ZUP1: variants seen among roughly 807,000 people sequenced by gnomAD.
ZUP1 encodes the protein zinc finger containing ubiquitin peptidase 1.
In ZUP1, 55 loss-of-function variants were observed where a neutral mutation model predicts 68.1. The ratio of observed to expected loss-of-function variants is 0.81; its 90% CI spans 0.65 to 1.01. ZUP1 has a LOEUF of 1.01. Ranked by LOEUF, ZUP1 falls within the 50% of genes least tolerant of loss-of-function variation. The pLI, the probability that ZUP1 is intolerant of heterozygous loss-of-function variation, is 0.00. For synonymous variants in ZUP1, 223 were observed against 221.5 expected (o/e 1.01, Z -0.06); for missense variants, 684 against 674.9 (o/e 1.01, Z -0.15).
At chr6:116,638,066 CAAAAAAAAAA>C (rs11398572) in intron 9 of ZUP1, among the ~76,000 whole-genome samples, 1 of 88,820 alleles carries the variant, frequency 1.1e-5, no homozygotes, top group African/African-American at 4.0e-5. Context: ...AGTCGGTCTC[CAAAAAAAAAA>C]AAAAAAAAAC....
chr6:116,662,266 C>A (rs961314792), intron 2 of ZUP1, among the ~76,000 whole-genome samples: 1 of 152,206 alleles, frequency 6.6e-6, no homozygotes, highest in African/African-American at 2.4e-5. Flanking sequence ...GCCAAGGAGG[C>A]CTTTGCTTAT....
chr6:116,644,599 A>G (rs1398576172), intron 9 of ZUP1, among the ~76,000 whole-genome samples: 2 of 151,814 alleles, frequency 1.3e-5, no homozygotes, highest in Non-Finnish European at 2.9e-5. Flanking sequence ...ACAAAACACC[A>G]AACACCGCAT....
intron 5 of ZUP1, among the ~76,000 whole-genome samples, chr6:116,656,304 G>A (rs1344704792): frequency 1.3e-5 from 2 of 151,506 alleles, no homozygotes; most frequent in African/African-American, 2.4e-5. Context: ...GGCTAGTCTC[G>A]AACTCCCGAC....
At chr6:116,647,638 TA>T (rs953498249) in intron 7 of ZUP1, 28 bp from the exon 8 acceptor site, 2 of 1,452,356 alleles carry the variant, frequency 1.4e-6, no homozygotes, top group African/African-American at 2.8e-5. Context: ...AATGCACATT[TA>T]AAGGGCATTT....
rs1319970310 is a variant in ZUP1 at position 116,656,776 on chromosome 6, C to T, written c.869G>A (p.Gly290Glu). 6.2e-7 allele frequency: 1 copy of T among 1,611,404 alleles called. No homozygotes were observed. Among genetic ancestry groups the T allele is most frequent in the African/African-American group, 1.3e-5 (1 of 74,952 alleles). ...LRNMEIEVNR[G>E]RMPPSEFHRR... is the part of the protein sequence containing the mutation. ...ATGAAATTCAGATGGAGGCATTCTT[C>T]CCCTATTTACTTCTATCTCCATATT... Residue 290 changes from glycine (G) to glutamate (E), a missense_variant, in exon 5 of 10, where the codon GGA (glycine) becomes GAA (glutamate). Physicochemically the swap from Gly to Glu is moderately conservative, Grantham distance 98. Coordinates refer to ENST00000368576, the MANE Select transcript of ZUP1 (RefSeq NM_145062.3).
At chr6:116,657,695 G>A (rs1583375485) in intron 4 of ZUP1, among the ~76,000 whole-genome samples, 1 of 152,302 alleles carries the variant, frequency 6.6e-6, no homozygotes, top group East Asian at 1.9e-4. Context: ...AAGTCCCAAA[G>A]TATACAAACC....
intron 2 of ZUP1, 103 bp from the exon 3 acceptor site, chr6:116,660,949 G>A (rs1327821537): frequency 4.7e-5 from 30 of 632,644 alleles, no homozygotes; most frequent in Admixed American, 1.4e-4. Flanking sequence ...GCCCAGGCTG[G>A]CGTGCAGTGG....
chr6:116,642,296 G>A (rs199698498), intron 9 of ZUP1, among the ~76,000 whole-genome samples: 223 of 152,114 alleles, frequency 1.5e-3, no homozygotes, highest in South Asian at 9.6e-3. Context: ...AAACTATTCC[G>A]ATCAATAGAA....
chr6:116,663,656 A>G (rs1776909981), intron 2 of ZUP1, among the ~76,000 whole-genome samples: 2 of 152,208 alleles, frequency 1.3e-5, no homozygotes, highest in African/African-American at 2.4e-5. Context: ...AAATTCGTTA[A>G]CAGGCCAGAC....
chr6:116,661,016 C>G (rs1776821248), intron 2 of ZUP1, among the ~76,000 whole-genome samples, 170 bp from the exon 3 acceptor site: 1 of 151,226 alleles, frequency 6.6e-6, no homozygotes. Context: ...GTAGATGGGG[C>G]TAAAGGCATG....
intron 5 of ZUP1, among the ~76,000 whole-genome samples, chr6:116,652,530 A>G (rs1776542319): frequency 2.0e-5 from 3 of 152,152 alleles, no homozygotes; most frequent in Admixed American, 1.3e-4. Context: ...TTTGCTCCCA[A>G]TCAAAAAATA....
At chr6:116,636,963 T>C (rs991450697) in intron 9 of ZUP1, among the ~76,000 whole-genome samples, 15 of 152,296 alleles carry the variant, frequency 9.8e-5, no homozygotes, top group Middle Eastern at 3.4e-3. Flanking sequence ...CACATTAATA[T>C]TGGCTGAATT....
intron 4 of ZUP1, among the ~76,000 whole-genome samples, chr6:116,657,677 G>C (rs1047634396): frequency 6.6e-6 from 1 of 152,160 alleles, no homozygotes; most frequent in Non-Finnish European, 1.5e-5. Flanking sequence ...TATATTAAAG[G>C]CTTTGAGAAG....
intron 2 of ZUP1, among the ~76,000 whole-genome samples, chr6:116,665,661 C>T (rs558696454): frequency 8.1e-5 from 12 of 147,568 alleles, no homozygotes; most frequent in African/African-American, 2.8e-4. Flanking sequence ...CTCACTGCAG[C>T]GTCCACTTCC....
chr6:116,656,703 A>G lies in ZUP1; in HGVS notation c.942T>C (p.Asp314=), dbSNP rs78583170. 619 of 1,610,230 alleles carry G rather than the reference A, an allele frequency of 3.8e-4. 3 individuals carry two copies. The African/African-American group carries it at 7.7e-3, about 20-fold the overall frequency. The change falls in exon 5 of 10, where the codon GAT becomes GAC. Residue 314 remains aspartate, a synonymous_variant. Transcript: ENST00000368576. ...MMESLALGFD[D]GKTKTSGIIE... ...ACTCACCGGAAGTTTTTGTTTTTCC[A>G]TCGTCAAAACCAAGAGCTAATGATT...
rs568185827 is a variant in ZUP1, at chr6:116,648,791, A to G, written c.1317-1181T>C. ...AGCCTGGACAACATGGCGAAACCCC[A>G]TCTCTACTAAAAATGCAGAAAAAAA... On this transcript the variant is annotated intron_variant, in intron 7 of 9. Transcript: ENST00000368576. 2.6e-5 allele frequency among the ~76,000 whole-genome samples: 4 copies of G among 151,654 alleles called. No homozygotes were observed. The South Asian group carries it at 8.4e-4, about 32-fold the overall frequency.
chr6:116,657,893 C>A (rs546669789), intron 4 of ZUP1, among the ~76,000 whole-genome samples: 4 of 152,278 alleles, frequency 2.6e-5, no homozygotes, highest in African/African-American at 7.2e-5. Flanking sequence ...GAGTTCAAGA[C>A]CAGTTTGGCC....
At chr6:116,659,627 A>T (rs926119713) in intron 3 of ZUP1, among the ~76,000 whole-genome samples, 6 of 148,158 alleles carry the variant, frequency 4.0e-5, no homozygotes, top group Admixed American at 6.8e-5. Flanking sequence ...GAGAAAAAAA[A>T]AAAAATAAAG....
At chr6:116,663,254 C>A (rs1237099743) in intron 2 of ZUP1, among the ~76,000 whole-genome samples, 1 of 151,972 alleles carries the variant, frequency 6.6e-6, no homozygotes, top group Non-Finnish European at 1.5e-5. Context: ...ATTCATTACC[C>A]CCCTCATGTT....
Sources: allele counts gnomAD v4.1 joint callset (sites outside exome capture counted in the v4.1 genomes callset), GRCh38; gene constraint gnomAD v4.1.1; transcripts MANE v1.5; gene names NCBI Gene and HGNC (gene_info 2026-07-23, HGNC 2026-07-21).